Variants in DLG2 observed in about 807,000 individuals in gnomAD.
The protein encoded by DLG2 is discs large MAGUK scaffold protein 2, also known as disks large homolog 2.
A neutral mutation model predicts 132.5 loss-of-function variants in DLG2; 45 were observed. That is an observed-to-expected ratio of 0.34 (90% CI 0.27 to 0.44). DLG2 has a LOEUF of 0.44. Among genes scored for constraint, DLG2 ranks in the 20% least tolerant of loss-of-function variants. The pLI is 1.00. For missense variants in DLG2, 1,045 were observed against 1,196.9 expected, an observed-to-expected ratio of 0.87 and a Z score of 1.87; for synonymous variants, 424 against 419.6, an observed-to-expected ratio of 1.01 and a Z score of -0.13.
intron 9 of DLG2, among the ~76,000 whole-genome samples, chr11:84,161,194 C>T (rs2095538898): frequency 6.6e-6 from 1 of 151,256 alleles, no homozygotes; most frequent in South Asian, 2.1e-4. Context: ...GCTGGATGAG[C>T]ACAAAAAGCT....
At chr11:85,265,418 A>G (rs1156832799) in intron 4 of DLG2, among the ~76,000 whole-genome samples, 1 of 152,252 alleles carries the variant, frequency 6.6e-6, no homozygotes, top group African/African-American at 2.4e-5. Context: ...ACCACATTGA[A>G]GTAAATAGGG....
At chr11:84,042,065 C>A (rs1464016086) in intron 11 of DLG2, among the ~76,000 whole-genome samples, 1 of 151,916 alleles carries the variant, frequency 6.6e-6, no homozygotes, top group Non-Finnish European at 1.5e-5. Context: ...TTGTAAAATG[C>A]CCAGTCTCAG....
chr11:83,670,969 A>G (rs924868851), intron 18 of DLG2, among the ~76,000 whole-genome samples: 12 of 152,224 alleles, frequency 7.9e-5, no homozygotes, highest in African/African-American at 2.9e-4. Flanking sequence ...CATCTTCATG[A>G]ATACATATAT....
At chr11:84,489,714 T>A (rs1347942904) in intron 7 of DLG2, among the ~76,000 whole-genome samples, 11 of 152,126 alleles carry the variant, frequency 7.2e-5, no homozygotes, top group Admixed American at 7.2e-4. Context: ...TACATGGACT[T>A]TTCCATGCAT....
At chr11:85,459,328 G>A (rs1326773521) in intron 3 of DLG2, among the ~76,000 whole-genome samples, 1 of 152,130 alleles carries the variant, frequency 6.6e-6, no homozygotes, top group Non-Finnish European at 1.5e-5. Context: ...AGGAGTGGGG[G>A]TTCGAGTGCT....
intron 4 of DLG2, among the ~76,000 whole-genome samples, chr11:85,183,146 T>C (rs2079847169): frequency 6.6e-6 from 1 of 151,856 alleles, no homozygotes; most frequent in South Asian, 2.1e-4. Context: ...TGGTTGAGGA[T>C]AGCATTTACC....
intron 6 of DLG2, among the ~76,000 whole-genome samples, chr11:85,036,898 AC>A (rs1343368227): frequency 6.6e-6 from 1 of 152,136 alleles, no homozygotes; most frequent in Non-Finnish European, 1.5e-5. Context: ...ACAAGTACTG[AC>A]ATAGCTTGAG....
intron 11 of DLG2, among the ~76,000 whole-genome samples, chr11:84,026,984 C>T (rs778237639): frequency 6.6e-6 from 1 of 151,944 alleles, no homozygotes; most frequent in African/African-American, 2.4e-5. Flanking sequence ...TTTAGGCCCT[C>T]GGTCTTCTTT....
At chr11:85,021,190 C>T (rs72957784) in intron 6 of DLG2, 38,805 of 1,032,474 alleles carry the variant, frequency 0.038, 926 homozygotes, top group Non-Finnish European at 0.048. Context: ...TTTTTCCCTT[C>T]GTGAGTTGTT....
At chr11:83,992,313 G>T (rs981632217) in intron 11 of DLG2, among the ~76,000 whole-genome samples, 7 of 152,082 alleles carry the variant, frequency 4.6e-5, no homozygotes, top group African/African-American at 1.4e-4. Flanking sequence ...TCATGAAAAT[G>T]CAGTGTGGTA....
intron 6 of DLG2, among the ~76,000 whole-genome samples, chr11:85,008,912 T>C (rs1293186727): frequency 6.6e-6 from 1 of 151,988 alleles, no homozygotes; most frequent in African/African-American, 2.4e-5. Flanking sequence ...TCAAGTTCAG[T>C]GGTAGAAAAT....
At chr11:84,809,938 T>C (rs1388376032) in intron 6 of DLG2, among the ~76,000 whole-genome samples, 1 of 151,964 alleles carries the variant, frequency 6.6e-6, no homozygotes, top group African/African-American at 2.4e-5. Context: ...AATTGGCTTT[T>C]GACAAGGGTA....
At chr11:84,610,724 T>C (rs1412470131) in intron 6 of DLG2, among the ~76,000 whole-genome samples, 1 of 152,088 alleles carries the variant, frequency 6.6e-6, no homozygotes, top group Non-Finnish European at 1.5e-5. Context: ...CTTCAGCCTA[T>C]TCATCTTTTC....
chr11:83,598,055 A>T (rs1263642388), intron 19 of DLG2, among the ~76,000 whole-genome samples: 2 of 152,236 alleles, frequency 1.3e-5, no homozygotes, highest in African/African-American at 2.4e-5. Flanking sequence ...TTTAGTCTAC[A>T]GGACTAGGTT....
chr11:84,669,172 T>A (rs1013279935), intron 6 of DLG2, among the ~76,000 whole-genome samples: 1 of 151,684 alleles, frequency 6.6e-6, no homozygotes, highest in Non-Finnish European at 1.5e-5. Flanking sequence ...TTGGGGGGAA[T>A]AAAAGGGGAG....
At position 85,306,074 on chromosome 11, in the gene DLG2, C is replaced by G. The variant is rs576141934; in HGVS notation, c.41-20709G>C. Among the ~76,000 whole-genome samples, 200 of 152,238 alleles carry G rather than the reference C, an allele frequency of 1.3e-3. 2 individuals are homozygous for G. Among genetic ancestry groups the G allele is most frequent in the African/African-American group, 4.7e-3 (194 of 41,526 alleles). On this transcript the variant is annotated intron_variant, in intron 3 of 27. Transcript: ENST00000376104. ...TAATTTCTATGAGATTCAATCTTCT[C>G]ACATAAAATACAGAAAATACCCATC... is the stretch of plus-strand genomic sequence containing the variant.
chr11:83,543,478 T>A (rs1421682391), intron 19 of DLG2, among the ~76,000 whole-genome samples: 1 of 152,176 alleles, frequency 6.6e-6, no homozygotes, highest in Non-Finnish European at 1.5e-5. Context: ...AGTGTGGTTA[T>A]GAATATGGAC....
Position 83,577,310 on chromosome 11 carries a change from A to G in DLG2, c.1941-35452T>C, listed in dbSNP as rs141966695. Among the ~76,000 whole-genome samples the G allele has an allele frequency of 4.4e-4, 66 of 150,660 alleles. No individual in the cohort carries two copies. The East Asian group carries it at 0.011, about 25-fold the overall frequency. ...TAATACTTAATAAACAATAGAATAT[A>G]TATATATCTTATTAGTTCTAATAGG... On this transcript the variant is annotated intron_variant, in intron 19 of 27. Transcript: ENST00000376104.
At chr11:84,489,124 G>C (rs1425004640) in intron 7 of DLG2, among the ~76,000 whole-genome samples, 3 of 151,900 alleles carry the variant, frequency 2.0e-5, no homozygotes, top group Non-Finnish European at 4.4e-5. Flanking sequence ...CTATAATACA[G>C]ATTCATCCCC....
Sources: allele counts gnomAD v4.1 joint callset (sites outside exome capture counted in the v4.1 genomes callset), GRCh38; gene constraint gnomAD v4.1.1; transcripts MANE v1.5; gene names NCBI Gene and HGNC (gene_info 2026-07-23, HGNC 2026-07-21).